Variants in HBP1 observed in about 807,000 individuals in gnomAD.
The protein encoded by HBP1 is HMG-box transcription factor 1.
Under a neutral mutation model 62.6 loss-of-function variants are expected in HBP1, and 20 were observed. That is an observed-to-expected ratio of 0.32 (90% CI 0.22 to 0.46). HBP1 has a LOEUF of 0.46. HBP1 is among the 20% of genes least tolerant of loss of function. The probability of loss-of-function intolerance (pLI) is 1.00; values close to 1 mark genes in which losing one functional copy is unlikely to be tolerated. For missense variants in HBP1, 480 were observed against 611.8 expected (o/e 0.78, Z 2.27); for synonymous variants, 232 against 206.2 (o/e 1.12, Z -1.07).
At chr7:107,186,156 CTTTTTTTTTCTTTTTTTTT>C (rs1180829396) in intron 4 of HBP1, among the ~76,000 whole-genome samples, 186 bp from the exon 5 acceptor site, 2 of 127,274 alleles carry the variant, frequency 1.6e-5, no homozygotes, top group Admixed American at 8.1e-5. Flanking sequence ...TCTTTTTTTT[CTTTTTTTTTCTTTTTTTTT>C]TTTTTTTAGC....
At chr7:107,181,697 A>G (rs1481272441) in intron 2 of HBP1, among the ~76,000 whole-genome samples, 1 of 150,988 alleles carries the variant, frequency 6.6e-6, no homozygotes, top group African/African-American at 2.4e-5. Context: ...TTTCTTCCCT[A>G]CTACATACAC....
chr7:107,174,918 A>G (rs529736132), intron 1 of HBP1, among the ~76,000 whole-genome samples: 4 of 152,282 alleles, frequency 2.6e-5, no homozygotes, highest in South Asian at 2.1e-4. Context: ...AAAATCTCCT[A>G]TCTAAACTGT....
chr7:107,171,073 A>ATATATATATTTTTTTT lies in HBP1; in HGVS notation c.-16+1889_-16+1890insATATATATTTTTTTTT. On this transcript the variant is annotated intron_variant, in intron 1 of 10. Transcript: ENST00000222574. Reference sequence around the variant, plus strand: ...TATATATATATATATATATATATATATTTTTTTTTTTTTTTGAGAGGGAGT... The same window carrying ATATATATATTTTTTTT: ...TATATATATATATATATATATATATATATATATATTTTTTTTTTTTTTTTTTTTTTTGAGAGGGAGT... 3.3e-4 allele frequency among the ~76,000 whole-genome samples: 29 copies of ATATATATATTTTTTTT among 87,200 alleles called. 1 individual carries two copies. The highest frequency in any genetic ancestry group is 1.3e-3 in the African/African-American group (20 of 15,124). 57.2% of individuals were successfully genotyped at this position (87,200 alleles called of 152,430 possible).
At chr7:107,177,257 T>A (rs1267916630) in intron 1 of HBP1, among the ~76,000 whole-genome samples, 1 of 152,206 alleles carries the variant, frequency 6.6e-6, no homozygotes, top group Admixed American at 6.5e-5. Context: ...TTAGGTCATA[T>A]ATTTGGTAAG....
intron 1 of HBP1, among the ~76,000 whole-genome samples, chr7:107,179,047 T>C (rs1182811449): frequency 6.6e-6 from 1 of 152,010 alleles, no homozygotes; most frequent in African/African-American, 2.4e-5. Flanking sequence ...AAAAAGAAAA[T>C]GTATTTTTTT....
chr7:107,199,976 A>G (rs1399858931), intron 9 of HBP1, among the ~76,000 whole-genome samples, 184 bp from the exon 10 acceptor site: 1 of 152,254 alleles, frequency 6.6e-6, no homozygotes, highest in Admixed American at 6.5e-5. Context: ...ATACGGAACA[A>G]TGGATTATTT....
Position 107,189,516 on chromosome 7 carries a change from G to A in HBP1, c.922+68G>A, listed in dbSNP as rs186044043. On this transcript the variant is annotated intron_variant, in intron 7 of 10. Transcript: ENST00000222574. ...GCTTCTTAAATCTGTAATTATGTCT[G>A]TAGCTTTGATGATTAAGAAAAAATT... The A allele has an allele frequency of 1.0e-4, 128 of 1,242,434 alleles. No individual in the cohort carries two copies. The African/African-American group carries it at 1.8e-3, about 17-fold the overall frequency. 77.0% of individuals were successfully genotyped at this position (1,242,434 alleles called of 1,614,324 possible).
chr7:107,202,313 A>T lies in HBP1; in HGVS notation c.*882A>T. 2 of 152,612 alleles carry T rather than the reference A, an allele frequency of 1.3e-5. No individual in the cohort carries two copies. Among genetic ancestry groups the T allele is most frequent in the Non-Finnish European group, 2.9e-5 (2 of 68,036 alleles). 9.5% of individuals were successfully genotyped at this position (152,612 alleles called of 1,614,324 possible). On this transcript the variant is annotated 3_prime_UTR_variant, in exon 11 of 11. Transcript: ENST00000222574. The stretch of plus-strand genomic sequence containing the variant: ...CTTTAATTTTCCTCCAACTGTCTAA[A>T]ATTAGAGCAAATACATTGGCAATAC...
intron 10 of HBP1, chr7:107,201,201 CT>C (rs1798267204): frequency 2.4e-6 from 1 of 411,692 alleles, no homozygotes; most frequent in Non-Finnish European, 4.4e-6. Flanking sequence ...TCCTGTATCC[CT>C]TTTCTGTTCA....
chr7:107,190,120 G>A, intron 7 of HBP1, 53 bp from the exon 8 acceptor site: 1 of 1,406,206 alleles, frequency 7.1e-7, no homozygotes, highest in East Asian at 2.4e-5. Context: ...CTGTTCTAAA[G>A]TAGGGTGCTT....
At chr7:107,190,074 A>G (rs562270852) in intron 7 of HBP1, 99 bp from the exon 8 acceptor site, 7 of 841,122 alleles carry the variant, frequency 8.3e-6, no homozygotes, top group Non-Finnish European at 1.3e-5. Flanking sequence ...AGACTTAGCA[A>G]TAACATTTTA....
intron 4 of HBP1, 45 bp downstream of exon 4, chr7:107,185,987 A>T: frequency 6.9e-7 from 1 of 1,458,430 alleles, no homozygotes; most frequent in Non-Finnish European, 9.6e-7. Context: ...TTTGTACAAC[A>T]GTTGAAGTAC....
chr7:107,170,974 C>CATGTATATATATAAAATATATAACAT (rs1796532986), intron 1 of HBP1, among the ~76,000 whole-genome samples: 1 of 125,896 alleles, frequency 7.9e-6, no homozygotes, highest in Non-Finnish European at 1.7e-5. Flanking sequence ...AAATATATAA[C>CATGTATATATATAAAATATATAACAT]ATACATGTAT....
At chr7:107,189,995 T>C (rs1188059109) in intron 7 of HBP1, 178 bp from the exon 8 acceptor site, 5 of 475,808 alleles carry the variant, frequency 1.1e-5, no homozygotes, top group East Asian at 3.4e-5. Flanking sequence ...GGCTTTTACA[T>C]TGCTGAAAGG....
In HBP1 at chr7:107,171,073, A is replaced by ATAT; in HGVS notation, c.-16+1889_-16+1890insATT. ...TATATATATATATATATATATATAT[A>ATAT]TTTTTTTTTTTTTTTGAGAGGGAGT... On this transcript the variant is annotated intron_variant, in intron 1 of 10. Coordinates refer to ENST00000222574, the MANE Select transcript of HBP1 (RefSeq NM_012257.4). Among the ~76,000 whole-genome samples, 145 of 87,190 alleles carry ATAT rather than the reference A, an allele frequency of 1.7e-3. 20 individuals carry two copies. Among genetic ancestry groups the ATAT allele is most frequent in the African/African-American group, 4.0e-3 (61 of 15,118 alleles). The allele number at this position is 87,190 out of a possible 152,430, so 57.2% of individuals were successfully genotyped here.
At position 107,185,919 on chromosome 7, in the gene HBP1, G is replaced by A; in HGVS notation, c.517G>A (p.Glu173Lys). The change falls in exon 4 of 11, where the codon GAA becomes AAA. Residue 173 changes from glutamate to lysine, a missense_variant. Glu to Lys is a moderately conservative substitution (Grantham distance 56). Around this residue, in one of 4 missense-constraint regions of HBP1, gnomAD observed 304 missense variants for 330.9 expected, o/e 0.92. Coordinates refer to ENST00000222574, the MANE Select transcript of HBP1 (RefSeq NM_012257.4). Reference sequence around the variant, plus strand: ...CTTCCCTCATCACCATTGGAAGGAGGAAACACCAGTAAGACACGAAAGGGT... The same window carrying A: ...CTTCCCTCATCACCATTGGAAGGAGAAAACACCAGTAAGACACGAAAGGGT... The part of the protein sequence containing the change: ...PAFPHHHWKE[E>K]TPVRHERANS... 1 of 1,613,170 alleles carries A rather than the reference G, an allele frequency of 6.2e-7. No individual in the cohort carries two copies. The highest frequency in any genetic ancestry group is 8.5e-7 in the Non-Finnish European group (1 of 1,179,200).
chr7:107,169,883 C>A (rs1796471409), intron 1 of HBP1: 1 of 985,556 alleles, frequency 1.0e-6, no homozygotes. Context: ...CGGGAGGCAC[C>A]GCTCTGTGTG....
At chr7:107,185,738 A>G in intron 3 of HBP1, 63 bp from the exon 4 acceptor site, 2 of 1,318,480 alleles carry the variant, frequency 1.5e-6, no homozygotes, top group South Asian at 2.7e-5. Flanking sequence ...AAGTTCTTTC[A>G]TTAATAGGAA....
chr7:107,196,032 C>T lies in HBP1; in HGVS notation c.1266C>T (p.Ser422=). The T allele has an allele frequency of 1.2e-6, 2 of 1,613,258 alleles. No homozygotes were observed. Among genetic ancestry groups the T allele is most frequent in the Non-Finnish European group, 1.7e-6 (2 of 1,179,214 alleles). ...SLYAKAVKNH[S]SGTVSATSPN... ...ATGCTAAAGCTGTCAAAAACCACAG[C>T]TCAGGGACTGTGAGTGCCACTTCTC... Residue 422 remains serine (S), a synonymous_variant, in exon 9 of 11, where the codon AGC becomes AGT. Transcript: ENST00000222574.
Sources: gnomAD v4.1 joint callset for allele counts (sites outside exome capture counted in the v4.1 genomes callset) on GRCh38, gnomAD v4.1.1 for gene constraint, gnomAD v4.1.1 regional missense constraint, MANE v1.5 for transcripts, NCBI Gene and HGNC (gene_info 2026-07-23, HGNC 2026-07-21) for gene names.